The following NXPE2 variants were observed in gnomAD, a reference collection of about 807,000 sequenced individuals.
The protein encoded by NXPE2 is neurexophilin and PC-esterase domain family member 2.
In NXPE2, 34 loss-of-function variants were observed where a neutral mutation model predicts 34.4. That is an observed-to-expected ratio of 0.99 (90% CI 0.75 to 1.31). NXPE2 has a LOEUF of 1.31. Ranked by LOEUF, NXPE2 falls within the 40% of genes most tolerant of loss-of-function variation. The probability of loss-of-function intolerance (pLI) is 0.00; values close to 1 mark genes in which losing one functional copy is unlikely to be tolerated. For synonymous variants in NXPE2, 235 were observed against 231.3 expected (o/e 1.02, Z -0.15); for missense variants, 649 against 672.5 (o/e 0.97, Z 0.39).
chr11:114,612,845 C>T, the NXPE2 span, among the ~76,000 whole-genome samples: 1 of 151,834 alleles, frequency 6.6e-6, no homozygotes, highest in Non-Finnish European at 1.5e-5. Context: ...TAAGTATTGC[C>T]TTGTGGGTAA....
In NXPE2 at chr11:114,707,020, A is replaced by G. The variant is rs1202732012; in HGVS notation, c.*90A>G. The G allele has an allele frequency of 1.9e-6, 2 of 1,051,908 alleles. No homozygotes were observed. The highest frequency in any genetic ancestry group is 2.7e-6 in the Non-Finnish European group (2 of 749,124). 65.2% of individuals were successfully genotyped at this position (1,051,908 alleles called of 1,614,324 possible). Reference sequence around the variant, plus strand: ...GTTTAATGCAATCCAAGTTTTGAGGAAACTAAATTTGAAAAAGTTCTATTA... The same window carrying G: ...GTTTAATGCAATCCAAGTTTTGAGGGAACTAAATTTGAAAAAGTTCTATTA... On this transcript the variant is annotated 3_prime_UTR_variant, in exon 6 of 6. Transcript: ENST00000389586.
At chr11:114,648,914 A>G in the NXPE2 span, among the ~76,000 whole-genome samples, 13,949 of 151,474 alleles carry the variant, frequency 0.092, 767 homozygotes, top group Middle Eastern at 0.2. Flanking sequence ...AAGTCAATAC[A>G]TCTTATGTTA....
chr11:114,774,916 A>T, the NXPE2 span, among the ~76,000 whole-genome samples: 1 of 152,238 alleles, frequency 6.6e-6, no homozygotes, highest in African/African-American at 2.4e-5. Flanking sequence ...CTGGACATTT[A>T]AAAAATGGCT....
chr11:114,808,452 C>T, the NXPE2 span, among the ~76,000 whole-genome samples: 3 of 128,804 alleles, frequency 2.3e-5, 1 homozygote, highest in African/African-American at 8.7e-5. Flanking sequence ...GCTAGCAAGA[C>T]TAATAAAGAA....
the NXPE2 span, among the ~76,000 whole-genome samples, chr11:114,656,489 G>A: frequency 6.6e-6 from 1 of 152,048 alleles, no homozygotes; most frequent in African/African-American, 2.4e-5. Context: ...CTAAAAGCTG[G>A]AGGAATCATG....
the NXPE2 span, among the ~76,000 whole-genome samples, chr11:114,499,816 C>A: frequency 6.6e-6 from 1 of 152,126 alleles, no homozygotes; most frequent in Non-Finnish European, 1.5e-5. Context: ...ATTTCTGTCC[C>A]TACTGATTCA....
At chr11:114,807,589 C>G in the NXPE2 span, among the ~76,000 whole-genome samples, 2 of 151,140 alleles carry the variant, frequency 1.3e-5, no homozygotes, top group African/African-American at 4.9e-5. Flanking sequence ...TCAAAAGAGA[C>G]AAAGAAGGCC....
At chr11:114,749,528 C>A in the NXPE2 span, among the ~76,000 whole-genome samples, 1 of 152,162 alleles carries the variant, frequency 6.6e-6, no homozygotes, top group Non-Finnish European at 1.5e-5. Context: ...TGATGTGAAG[C>A]CCACAGAAAA....
chr11:114,601,968 T>C, the NXPE2 span, among the ~76,000 whole-genome samples: 13 of 86,534 alleles, frequency 1.5e-4, no homozygotes, highest in South Asian at 2.2e-3. Flanking sequence ...TTATATATTA[T>C]ATATTCTGTT....
At chr11:114,808,442 G>A in the NXPE2 span, among the ~76,000 whole-genome samples, 45 of 146,280 alleles carry the variant, frequency 3.1e-4, 1 homozygote, top group Non-Finnish European at 1.3e-4. Flanking sequence ...TTGATAGGCT[G>A]CTAGCAAGAC....
At chr11:114,567,911 T>G in the NXPE2 span, among the ~76,000 whole-genome samples, 4 of 152,298 alleles carry the variant, frequency 2.6e-5, no homozygotes, top group Non-Finnish European at 5.9e-5. Context: ...AAGGGCTATA[T>G]GTCAGTCATT....
At chr11:114,810,203 A>C in the NXPE2 span, among the ~76,000 whole-genome samples, 1 of 149,524 alleles carries the variant, frequency 6.7e-6, no homozygotes, top group Non-Finnish European at 1.5e-5. Context: ...AGATGGATTA[A>C]AGACTTACAT....
At chr11:114,535,542 C>T in the NXPE2 span, among the ~76,000 whole-genome samples, 1 of 152,118 alleles carries the variant, frequency 6.6e-6, no homozygotes. Context: ...AAACCCATCT[C>T]ACATGCAGAG....
At chr11:114,697,970 G>T in intron 2 of NXPE2, 75 bp from the exon 3 acceptor site, 2 of 1,279,370 alleles carry the variant, frequency 1.6e-6, no homozygotes, top group Non-Finnish European at 2.1e-6. Context: ...TGTAAAATAA[G>T]CCATAATAAT....
At chr11:114,651,821 C>T in the NXPE2 span, among the ~76,000 whole-genome samples, 5 of 152,152 alleles carry the variant, frequency 3.3e-5, no homozygotes, top group Non-Finnish European at 7.3e-5. Context: ...GGTGCATTTA[C>T]AATCCTTTAG....
chr11:114,598,772 C>T, the NXPE2 span, among the ~76,000 whole-genome samples: 1 of 152,110 alleles, frequency 6.6e-6, no homozygotes, highest in East Asian at 1.9e-4. Context: ...CCATTCTTCC[C>T]TTCTAGGCCT....
At chr11:114,588,759 TAAGAATCCCACAGCCTTTATGGA>T in the NXPE2 span, among the ~76,000 whole-genome samples, 1 of 152,110 alleles carries the variant, frequency 6.6e-6, no homozygotes, top group East Asian at 1.9e-4. Flanking sequence ...AAAATCCAGG[TAAGAATCCCACAGCCTTTATGGA>T]AAGGCTGAAA....
the NXPE2 span, among the ~76,000 whole-genome samples, chr11:114,812,971 C>T: frequency 2.0e-5 from 3 of 152,140 alleles, no homozygotes; most frequent in African/African-American, 7.2e-5. Flanking sequence ...GGGCTTATGG[C>T]TGCACCCTGG....
downstream of NXPE2, chr11:114,707,427 C>T (rs377548240): frequency 7.0e-6 from 3 of 426,772 alleles, no homozygotes; most frequent in East Asian, 8.8e-5. Context: ...GACAGTCTCA[C>T]TCTGTCACCA....
Sources: allele counts gnomAD v4.1 joint callset (sites outside exome capture counted in the v4.1 genomes callset), GRCh38; gene constraint gnomAD v4.1.1; transcripts MANE v1.5; gene names NCBI Gene and HGNC (gene_info 2026-07-23, HGNC 2026-07-21).